Variants in PRKAG2 observed in about 807,000 individuals in gnomAD.
PRKAG2 encodes the protein 5'-AMP-activated protein kinase subunit gamma-2.
A neutral mutation model predicts 69.6 loss-of-function variants in PRKAG2; 26 were observed. The ratio of observed to expected loss-of-function variants is 0.37; its 90% CI spans 0.27 to 0.52. The LOEUF is 0.52. Ranked by LOEUF, PRKAG2 falls within the 20% of genes least tolerant of loss-of-function variation. The pLI, the probability that PRKAG2 is intolerant of heterozygous loss-of-function variation, is 0.90. For missense variants in PRKAG2, 557 were observed against 740.0 expected (o/e 0.75, Z 2.87); for synonymous variants, 293 against 285.0 (o/e 1.03, Z -0.28).
chr7:151,663,272 TC>T (rs1830577430), intron 4 of PRKAG2, among the ~76,000 whole-genome samples: 9 of 152,278 alleles, frequency 5.9e-5, no homozygotes, highest in Admixed American at 5.2e-4. Context: ...ATCTCCTCAA[TC>T]AGCCCAAAAG....
chr7:151,577,306 A>G lies in PRKAG2; in HGVS notation c.865-854T>C, dbSNP rs73475434. On this transcript the variant is annotated intron_variant, in intron 6 of 15. Coordinates refer to ENST00000287878, the MANE Select transcript of PRKAG2 (RefSeq NM_016203.4). ...ATATCATATCTCACTTAACACTCAT[A>G]ACAAATATCTTTTGGGATACCATAA... is the stretch of plus-strand genomic sequence containing the variant. Among the ~76,000 whole-genome samples, 607 of 152,318 alleles carry G rather than the reference A, an allele frequency of 4.0e-3. 6 individuals are homozygous for G. Among genetic ancestry groups the G allele is most frequent in the Middle Eastern group, 0.017 (5 of 294 alleles).
chr7:151,873,611 T>G (rs907851835), intron 1 of PRKAG2, among the ~76,000 whole-genome samples: 3 of 152,120 alleles, frequency 2.0e-5, no homozygotes, highest in Non-Finnish European at 4.4e-5. Context: ...CCTCAGCCAC[T>G]GTGGAATAAC....
chr7:151,594,902 G>C (rs1251737108), intron 6 of PRKAG2, among the ~76,000 whole-genome samples: 1 of 152,002 alleles, frequency 6.6e-6, no homozygotes, highest in Non-Finnish European at 1.5e-5. Flanking sequence ...GGGTTCAAGC[G>C]ACTCTCCTGT....
chr7:151,868,911 G>T (rs975112115), intron 1 of PRKAG2, among the ~76,000 whole-genome samples: 5 of 152,212 alleles, frequency 3.3e-5, no homozygotes, highest in Admixed American at 3.3e-4. Flanking sequence ...TTGCCTGAAG[G>T]TTTTAGAAGA....
chr7:151,707,456 C>T (rs571715293), intron 3 of PRKAG2, among the ~76,000 whole-genome samples: 10 of 152,192 alleles, frequency 6.6e-5, no homozygotes, highest in Admixed American at 6.5e-4. Flanking sequence ...ATGTTTCTTC[C>T]CGCCCTTGAG....
chr7:151,841,130 G>T (rs2079266370), intron 1 of PRKAG2, among the ~76,000 whole-genome samples: 1 of 152,176 alleles, frequency 6.6e-6, no homozygotes, highest in Non-Finnish European at 1.5e-5. Flanking sequence ...TGGGACTACA[G>T]GTGCCTGCCA....
chr7:151,631,994 G>A, intron 5 of PRKAG2, 75 bp downstream of exon 5: 1 of 1,148,546 alleles, frequency 8.7e-7, no homozygotes, highest in Non-Finnish European at 1.1e-6. Flanking sequence ...TGGGGCGCGG[G>A]GTCCCCGCGG....
chr7:151,734,153 C>T (rs1410917651), intron 3 of PRKAG2: 1 of 152,212 alleles, frequency 6.6e-6, no homozygotes, highest in African/African-American at 2.4e-5. Context: ...ACCTGCTCTC[C>T]CCCGAGGACT....
At chr7:151,687,375 G>C (rs564482082) in intron 3 of PRKAG2, among the ~76,000 whole-genome samples, 3 of 152,356 alleles carry the variant, frequency 2.0e-5, no homozygotes, top group South Asian at 2.1e-4. Flanking sequence ...TTGTGAGAGA[G>C]AGAAATTCTG....
chr7:151,606,346 T>C (rs1817559575), intron 5 of PRKAG2, among the ~76,000 whole-genome samples: 1 of 152,236 alleles, frequency 6.6e-6, no homozygotes. Context: ...ACTTTTAGTA[T>C]AAACTTTACG....
At chr7:151,751,202 A>G (rs1252052267) in intron 3 of PRKAG2, among the ~76,000 whole-genome samples, 2 of 148,084 alleles carry the variant, frequency 1.4e-5, no homozygotes, top group Non-Finnish European at 3.0e-5. Flanking sequence ...GGTTCATGCT[A>G]TTCTCCTGCC....
At chr7:151,801,482 A>C (rs1354175620) in intron 1 of PRKAG2, among the ~76,000 whole-genome samples, 2 of 152,196 alleles carry the variant, frequency 1.3e-5, no homozygotes, top group African/African-American at 4.8e-5. Flanking sequence ...GACCAGCTGC[A>C]GGCACCAGGC....
Position 151,624,146 on chromosome 7 carries a change from G to A in PRKAG2, c.754+7923C>T, listed in dbSNP as rs965850492. Reference sequence around the variant, plus strand: ...GTGGGACAGAAGGCAGCGTGTGTGTGTGTGTGTGTGTGTGTGTGTGTACAT... The same window carrying A: ...GTGGGACAGAAGGCAGCGTGTGTGTATGTGTGTGTGTGTGTGTGTGTACAT... On this transcript the variant is annotated intron_variant, in intron 5 of 15. Coordinates refer to ENST00000287878, the MANE Select transcript of PRKAG2 (RefSeq NM_016203.4). Among the ~76,000 whole-genome samples, 713 of 114,044 alleles carry A rather than the reference G, an allele frequency of 6.3e-3. 3 individuals carry two copies. The highest frequency in any genetic ancestry group is 0.024 in the African/African-American group (683 of 28,902). The allele number at this position is 114,044 out of a possible 152,430, so 74.8% of individuals were successfully genotyped here.
chr7:151,717,378 GA>G (rs1796355997), intron 3 of PRKAG2, among the ~76,000 whole-genome samples: 1 of 152,140 alleles, frequency 6.6e-6, no homozygotes, highest in African/African-American at 2.4e-5. Flanking sequence ...AAAGAATTTG[GA>G]AACACCTAGA....
At chr7:151,815,477 G>A (rs1263287245) in intron 1 of PRKAG2, among the ~76,000 whole-genome samples, 2 of 152,042 alleles carry the variant, frequency 1.3e-5, no homozygotes, top group Non-Finnish European at 2.9e-5. Flanking sequence ...ATCACCCCAG[G>A]GCAGGTACCA....
intron 2 of PRKAG2, among the ~76,000 whole-genome samples, chr7:151,784,864 G>A (rs1201984852): frequency 3.3e-5 from 5 of 152,196 alleles, no homozygotes; most frequent in Non-Finnish European, 7.3e-5. Context: ...GAAGCATGCT[G>A]GATGCTGGGC....
chr7:151,620,781 C>T (rs1039953170), intron 5 of PRKAG2, among the ~76,000 whole-genome samples: 4 of 139,640 alleles, frequency 2.9e-5, no homozygotes, highest in Non-Finnish European at 4.6e-5. Flanking sequence ...CATCCAGCTC[C>T]TTAATAGATT....
chr7:151,864,585 C>T (rs1476192387), intron 1 of PRKAG2, among the ~76,000 whole-genome samples: 1 of 152,222 alleles, frequency 6.6e-6, no homozygotes, highest in East Asian at 1.9e-4. Context: ...ACCTATGCCC[C>T]AAGGTCATGT....
intron 3 of PRKAG2, among the ~76,000 whole-genome samples, chr7:151,689,078 G>C (rs775779458): frequency 6.6e-6 from 1 of 152,320 alleles, no homozygotes; most frequent in African/African-American, 2.4e-5. Context: ...ATCACGCCTC[G>C]CTGGGACCCT....
Sources: allele counts gnomAD v4.1 joint callset (sites outside exome capture counted in the v4.1 genomes callset), GRCh38; gene constraint gnomAD v4.1.1; transcripts MANE v1.5; gene names NCBI Gene and HGNC (gene_info 2026-07-23, HGNC 2026-07-21).